The following NRG1 variants were observed in gnomAD, a reference collection of about 807,000 sequenced individuals.
NRG1 encodes the protein neuregulin 1, also known as pro-neuregulin-1, membrane-bound isoform.
NRG1 carries 18 observed loss-of-function variants against 63.8 expected under a neutral mutation model. That is an observed-to-expected ratio of 0.28 (90% CI 0.19 to 0.42). NRG1 has a LOEUF of 0.42. NRG1 is among the 10% of genes least tolerant of loss of function. NRG1 has a pLI of 1.00. For missense variants in NRG1, 762 were observed against 814.7 expected (o/e 0.94, Z 0.79); for synonymous variants, 302 against 301.3 (o/e 1.00, Z -0.02).
intron 1 of NRG1, among the ~76,000 whole-genome samples, chr8:31,816,986 A>G (rs1823510943): frequency 6.6e-6 from 1 of 152,240 alleles, no homozygotes. Flanking sequence ...TGTTCAAACA[A>G]TATTGAATAT....
intron 1 of NRG1, among the ~76,000 whole-genome samples, chr8:32,577,242 T>C (rs535528566): frequency 1.1e-4 from 16 of 152,192 alleles, no homozygotes; most frequent in African/African-American, 3.6e-4. Flanking sequence ...CCTAGGTTGA[T>C]TCCATGTAAA....
At chr8:32,241,836 G>A (rs1848129232) in intron 1 of NRG1, among the ~76,000 whole-genome samples, 1 of 151,460 alleles carries the variant, frequency 6.6e-6, no homozygotes, top group South Asian at 2.1e-4. Context: ...GTAGCTCACT[G>A]TAGCCTCGAA....
At chr8:32,530,318 A>G (rs982335415) in intron 1 of NRG1, among the ~76,000 whole-genome samples, 1 of 152,104 alleles carries the variant, frequency 6.6e-6, no homozygotes, top group Admixed American at 6.5e-5. Flanking sequence ...CGTGTTAGCC[A>G]GGATGGTCTC....
intron 5 of NRG1, chr8:32,647,167 G>A (rs1853755877): frequency 1.0e-6 from 1 of 985,182 alleles, no homozygotes; most frequent in South Asian, 4.7e-5. Flanking sequence ...TAATGATTCA[G>A]CCCCTTTCAG....
At chr8:31,775,419 G>A (rs1359700013) in intron 1 of NRG1, among the ~76,000 whole-genome samples, 3 of 152,126 alleles carry the variant, frequency 2.0e-5, no homozygotes, top group African/African-American at 7.2e-5. Flanking sequence ...TGGAAATAAT[G>A]CACTCTGAGG....
intron 1 of NRG1, among the ~76,000 whole-genome samples, chr8:31,958,084 C>G (rs993661): frequency 8.1e-6 from 1 of 123,356 alleles, no homozygotes; most frequent in Admixed American, 7.7e-5. Context: ...GATAGATAGA[C>G]AGACAGATAG....
At chr8:32,562,882 A>C (rs1350985250) in intron 1 of NRG1, among the ~76,000 whole-genome samples, 2 of 152,174 alleles carry the variant, frequency 1.3e-5, no homozygotes, top group Non-Finnish European at 2.9e-5. Context: ...TTCCTTGTCT[A>C]ATAATTAGCA....
chr8:32,091,018 A>G (rs1035758010), intron 1 of NRG1, among the ~76,000 whole-genome samples: 16 of 152,124 alleles, frequency 1.1e-4, no homozygotes, highest in East Asian at 1.9e-4. Context: ...GGTGGCTCAC[A>G]CCTGTAATCC....
At chr8:32,494,565 A>G (rs1354677371) in intron 1 of NRG1, among the ~76,000 whole-genome samples, 2 of 152,216 alleles carry the variant, frequency 1.3e-5, no homozygotes, top group African/African-American at 4.8e-5. Context: ...TTCTGTAGCA[A>G]TCAGCCATGA....
intron 1 of NRG1, among the ~76,000 whole-genome samples, chr8:32,506,044 G>GT (rs1417076141): frequency 6.6e-6 from 1 of 152,080 alleles, no homozygotes; most frequent in Admixed American, 6.6e-5. Context: ...GAGGCCAGGA[G>GT]TTGGAGACCA....
chr8:32,098,865 A>C (rs1408954171), intron 1 of NRG1: 1 of 152,246 alleles, frequency 6.6e-6, no homozygotes, highest in East Asian at 1.9e-4. Flanking sequence ...GGTGTTTAGC[A>C]CTGACCTTCC....
chr8:32,463,437 A>G (rs146007480), intron 1 of NRG1, among the ~76,000 whole-genome samples: 6 of 152,314 alleles, frequency 3.9e-5, no homozygotes, highest in Admixed American at 6.5e-5. Context: ...GGTTCCCTTT[A>G]TTCTACACTC....
intron 1 of NRG1, among the ~76,000 whole-genome samples, chr8:32,112,604 T>C (rs2131463755): frequency 6.6e-6 from 1 of 152,304 alleles, no homozygotes; most frequent in Non-Finnish European, 1.5e-5. Context: ...AGAAATCCTA[T>C]TTGCATCCTT....
chr8:32,202,371 G>T (rs1174747150), intron 1 of NRG1, among the ~76,000 whole-genome samples: 1 of 152,156 alleles, frequency 6.6e-6, no homozygotes, highest in East Asian at 1.9e-4. Context: ...TTATGGGATG[G>T]GGAACATGCA....
intron 7 of NRG1, chr8:32,749,810 G>A (rs1828314216): frequency 5.2e-6 from 3 of 576,366 alleles, no homozygotes; most frequent in African/African-American, 3.8e-5. Flanking sequence ...TTCACTTAGA[G>A]TTTAAAAGTA....
intron 5 of NRG1, among the ~76,000 whole-genome samples, chr8:32,653,611 A>G (rs1037007364): frequency 4.6e-5 from 7 of 152,224 alleles, no homozygotes; most frequent in Non-Finnish European, 2.9e-5. Flanking sequence ...TGAAAAATAT[A>G]TACATAATTC....
intron 1 of NRG1, among the ~76,000 whole-genome samples, chr8:32,398,305 A>C (rs1185275195): frequency 6.6e-6 from 1 of 152,034 alleles, no homozygotes; most frequent in Non-Finnish European, 1.5e-5. Flanking sequence ...CTTCCCTGCC[A>C]CCACCCTCAC....
At chr8:31,856,610 G>C (rs936146003) in intron 1 of NRG1, among the ~76,000 whole-genome samples, 1 of 152,276 alleles carries the variant, frequency 6.6e-6, no homozygotes, top group East Asian at 1.9e-4. Flanking sequence ...TCTTCTCTCC[G>C]CTCGTCAAAG....
At chr8:31,733,119 T>C (rs930159484) in intron 1 of NRG1, among the ~76,000 whole-genome samples, 1 of 151,584 alleles carries the variant, frequency 6.6e-6, no homozygotes, top group Non-Finnish European at 1.5e-5. Context: ...GTTTCATCCA[T>C]GTTGCTGCAA....
Sources: gnomAD v4.1 joint callset for allele counts (sites outside exome capture counted in the v4.1 genomes callset) on GRCh38, gnomAD v4.1.1 for gene constraint, MANE v1.5 for transcripts, NCBI Gene and HGNC (gene_info 2026-07-23, HGNC 2026-07-21) for gene names.